Variants in NGEF observed in about 807,000 individuals in gnomAD.
NGEF encodes the protein neuronal guanine nucleotide exchange factor.
Under a neutral mutation model 80.9 loss-of-function variants are expected in NGEF, and 31 were observed. That is an observed-to-expected ratio of 0.38 (90% CI 0.29 to 0.52). NGEF has a LOEUF of 0.52. Among genes scored for constraint, NGEF ranks in the 20% least tolerant of loss-of-function variants. NGEF has a pLI of 0.84. For synonymous variants in NGEF, 371 were observed against 370.2 expected (o/e 1.00, Z -0.03); for missense variants, 709 against 926.2 (o/e 0.77, Z 3.04).
At chr2:232,979,753 G>C (rs1318940018) in intron 1 of NGEF, among the ~76,000 whole-genome samples, 2 of 152,120 alleles carry the variant, frequency 1.3e-5, no homozygotes, top group Non-Finnish European at 2.9e-5. Flanking sequence ...TTCTATGTCT[G>C]TCCACATTCC....
At position 232,894,818 on chromosome 2, in the gene NGEF, C is replaced by G. The variant is rs774138698; in HGVS notation, c.927G>C (p.Leu309=). The change falls in exon 6 of 15, where the codon CTG becomes CTC. Residue 309 remains leucine, a synonymous_variant. Transcript: ENST00000264051. ...AGAGGATGTGCGCCTCGGACGGGTG[C>G]AGGATCTTCCTTATCCGCTCGTTCT... ...FMENERIRKI[L]HPSEAHILFS... is the part of the protein sequence containing the mutation. The G allele has an allele frequency of 6.2e-7, 1 of 1,611,748 alleles. No individual in the cohort carries two copies. Among genetic ancestry groups the G allele is most frequent in the South Asian group, 1.1e-5 (1 of 90,996 alleles).
At chr2:232,981,012 G>C in intron 1 of NGEF, among the ~76,000 whole-genome samples, 1 of 151,742 alleles carries the variant, frequency 6.6e-6, no homozygotes, top group Admixed American at 6.6e-5. Context: ...CAGTAGGGAA[G>C]GGGCAGCTGG....
At chr2:232,903,600 T>A (rs1171828973) in intron 5 of NGEF, among the ~76,000 whole-genome samples, 3 of 152,180 alleles carry the variant, frequency 2.0e-5, no homozygotes, top group Non-Finnish European at 4.4e-5. Context: ...TTTAAAAAAA[T>A]GCTACCTGCC....
chr2:232,981,002 C>T (rs73995763), intron 1 of NGEF, among the ~76,000 whole-genome samples: 16,570 of 151,388 alleles, frequency 0.11, 949 homozygotes, highest in African/African-American at 0.13. Flanking sequence ...GGACTGGCAC[C>T]AGTAGGGAAG....
chr2:232,901,336 C>T (rs1692349238), intron 5 of NGEF: 3 of 982,772 alleles, frequency 3.1e-6, no homozygotes, highest in African/African-American at 1.8e-5. Flanking sequence ...CTCGAGGCTG[C>T]GCGATTTCTC....
intron 5 of NGEF, among the ~76,000 whole-genome samples, chr2:232,897,099 GGGGGAAGGGGTGAGGGTAGGGATGGGGTA>G (rs1308175234): frequency 3.6e-5 from 5 of 140,744 alleles, no homozygotes; most frequent in African/African-American, 1.3e-4. Context: ...GGGATGGGGT[GGGGGAAGGGGTGAGGGTAGGGATGGGGTA>G]GGGGGTGGAG....
At chr2:232,966,714 T>C (rs1476277195) in intron 3 of NGEF, among the ~76,000 whole-genome samples, 1 of 152,170 alleles carries the variant, frequency 6.6e-6, no homozygotes, top group East Asian at 1.9e-4. Context: ...TATGTACCAA[T>C]TGGCAGAGAG....
At chr2:232,883,619 G>A (rs868013612) in intron 11 of NGEF, among the ~76,000 whole-genome samples, 153 bp from the exon 12 acceptor site, 13 of 152,052 alleles carry the variant, frequency 8.5e-5, no homozygotes, top group Admixed American at 2.0e-4. Flanking sequence ...CCTGTCTCCC[G>A]CACCCCAAAA....
chr2:232,881,922 A>C (rs1445739983), intron 13 of NGEF, among the ~76,000 whole-genome samples: 1 of 152,242 alleles, frequency 6.6e-6, no homozygotes, highest in African/African-American at 2.4e-5. Flanking sequence ...CTAAAACAGC[A>C]GTGAAGTTTG....
intron 5 of NGEF, among the ~76,000 whole-genome samples, chr2:232,911,139 T>C (rs1346039177): frequency 6.6e-6 from 1 of 152,268 alleles, no homozygotes; most frequent in East Asian, 1.9e-4. Flanking sequence ...ATTTTACATT[T>C]AGATCCATGA....
In NGEF at chr2:232,883,343, C is replaced by A. The variant is rs1471301537; in HGVS notation, c.1725G>T (p.Arg575=). 1 of 1,611,512 alleles carries A rather than the reference C, an allele frequency of 6.2e-7. No individual in the cohort carries two copies. Among genetic ancestry groups the A allele is most frequent in the Non-Finnish European group, 8.5e-7 (1 of 1,178,614 alleles). Reference sequence around the variant, plus strand: ...ACGCCTTTAGCATGTAGGTGGCCTCCCGGTCATCTGCGTTCTCCAGCAGCC... The same window carrying A: ...ACGCCTTTAGCATGTAGGTGGCCTCACGGTCATCTGCGTTCTCCAGCAGCC... ...ILRLLENADD[R]EATYMLKASS... The change falls in exon 12 of 15, where the codon CGG becomes CGT. Residue 575 remains arginine (R), a synonymous_variant. Transcript: ENST00000264051.
chr2:232,894,609 CTTCAT>C (rs752792640), intron 6 of NGEF, 142 bp downstream of exon 6: 410 of 893,386 alleles, frequency 4.6e-4, no homozygotes, highest in Middle Eastern at 7.9e-4. Context: ...GGATTTAGTT[CTTCAT>C]TTATTTATAT....
intron 2 of NGEF, 50 bp downstream of exon 2, chr2:232,974,573 C>T: frequency 6.3e-7 from 1 of 1,589,674 alleles, no homozygotes; most frequent in Non-Finnish European, 8.6e-7. Context: ...GCACTGATGA[C>T]TCCAGTTGGA....
At chr2:232,994,909 A>G (rs1019231146) in intron 1 of NGEF, among the ~76,000 whole-genome samples, 1 of 144,354 alleles carries the variant, frequency 6.9e-6, no homozygotes, top group African/African-American at 2.6e-5. Flanking sequence ...ACATACATAC[A>G]CATGTATTAT....
intron 3 of NGEF, among the ~76,000 whole-genome samples, chr2:232,940,570 CAG>C (rs200875483): frequency 0.085 from 12,898 of 152,184 alleles, 931 homozygotes; most frequent in East Asian, 0.25. Context: ...TTATTTATAA[CAG>C]GGAAATATTT....
intron 1 of NGEF, among the ~76,000 whole-genome samples, chr2:232,978,280 G>GA (rs201730662): frequency 1.3e-5 from 2 of 151,878 alleles, no homozygotes; most frequent in South Asian, 2.1e-4. Flanking sequence ...AGCACAGGCT[G>GA]AGGGGGGGGA....
At chr2:232,890,980 T>C (rs958718078) in intron 8 of NGEF, 2 of 476,092 alleles carry the variant, frequency 4.2e-6, no homozygotes, top group Admixed American at 2.3e-5. Context: ...CTGCGTGGAA[T>C]GTTCTTTCCT....
chr2:232,899,700 TCA>T (rs1234582168), intron 5 of NGEF, among the ~76,000 whole-genome samples: 21 of 61,654 alleles, frequency 3.4e-4, no homozygotes, highest in Admixed American at 5.6e-4. Flanking sequence ...ACACATTCAC[TCA>T]CACACGCTCT....
At chr2:232,893,195 AG>A in intron 6 of NGEF, 145 bp from the exon 7 acceptor site, 1 of 731,760 alleles carries the variant, frequency 1.4e-6, no homozygotes, top group South Asian at 1.9e-5. Flanking sequence ...ATCCATCGGC[AG>A]GGGCACCGAG....
Sources: gnomAD v4.1 joint callset for allele counts (sites outside exome capture counted in the v4.1 genomes callset) on GRCh38, gnomAD v4.1.1 for gene constraint, MANE v1.5 for transcripts, NCBI Gene and HGNC (gene_info 2026-07-23, HGNC 2026-07-21) for gene names.